Variants in FOXP2 observed in about 807,000 individuals in gnomAD.
The protein encoded by FOXP2 is forkhead box P2.
FOXP2 carries 12 observed loss-of-function variants against 115.8 expected under a neutral mutation model. The observed-to-expected ratio is 0.10, with a 90% CI of 0.07 to 0.17. FOXP2 has a LOEUF of 0.17. Ranked by LOEUF, FOXP2 falls within the 10% of genes least tolerant of loss-of-function variation. FOXP2 has a pLI of 1.00. For synonymous variants in FOXP2, 328 were observed against 297.7 expected, an observed-to-expected ratio of 1.10 and a Z score of -1.05; for missense variants, 629 against 843.5, an observed-to-expected ratio of 0.75 and a Z score of 3.15.
chr7:114,239,285 T>G (rs988448884), intron 1 of FOXP2, among the ~76,000 whole-genome samples: 1 of 152,172 alleles, frequency 6.6e-6, no homozygotes, highest in Non-Finnish European at 1.5e-5. Context: ...ATTCAAGTAG[T>G]AAATGTAATA....
chr7:114,147,977 A>G (rs1792421398), intron 1 of FOXP2, among the ~76,000 whole-genome samples: 1 of 152,108 alleles, frequency 6.6e-6, no homozygotes, highest in South Asian at 2.1e-4. Flanking sequence ...TTCTCCTAGG[A>G]TGGAAATAAG....
At chr7:114,449,522 AC>A (rs1312585215) in intron 2 of FOXP2, among the ~76,000 whole-genome samples, 1 of 152,074 alleles carries the variant, frequency 6.6e-6, no homozygotes, top group Non-Finnish European at 1.5e-5. Flanking sequence ...TCCTAAAAGT[AC>A]TAGAAACTGT....
chr7:114,625,891 C>T, intron 3 of FOXP2, among the ~76,000 whole-genome samples: 1 of 151,478 alleles, frequency 6.6e-6, no homozygotes, highest in East Asian at 1.9e-4. Context: ...CTGTGTTTTT[C>T]TACCTATATA....
chr7:114,240,643 T>C (rs993290204), intron 1 of FOXP2, among the ~76,000 whole-genome samples: 4 of 152,040 alleles, frequency 2.6e-5, no homozygotes, highest in Non-Finnish European at 5.9e-5. Context: ...TACTTAATGG[T>C]AGCTCTAACA....
chr7:114,373,436 G>A (rs1792064168), intron 2 of FOXP2, among the ~76,000 whole-genome samples: 1 of 152,100 alleles, frequency 6.6e-6, no homozygotes, highest in Non-Finnish European at 1.5e-5. Context: ...AATGCTGACT[G>A]TGACAAAGTG....
chr7:114,297,195 C>T, intron 2 of FOXP2: 2 of 488,870 alleles, frequency 4.1e-6, no homozygotes, highest in Admixed American at 2.5e-5. Flanking sequence ...TGGATGTGTC[C>T]CCACCCTTTT....
In FOXP2 at chr7:114,240,162, T is replaced by C. The variant is rs528715969; in HGVS notation, c.-101-47857T>C. 1.3e-4 allele frequency among the ~76,000 whole-genome samples: 20 copies of C among 152,306 alleles called. No homozygotes were observed. The South Asian group carries it at 4.1e-3, about 32-fold the overall frequency. ...AGATGTTATTGTCTTCCTTGCTTTG[T>C]AGAAGCAAAGGAAAGAAACAATGGC... On this transcript the variant is annotated intron_variant, in intron 1 of 17. Transcript: ENST00000634411.
chr7:114,355,302 A>G (rs184847048), intron 2 of FOXP2, among the ~76,000 whole-genome samples: 1,680 of 152,242 alleles, frequency 0.011, 25 homozygotes, highest in Middle Eastern at 0.044. Flanking sequence ...GAATGAGATC[A>G]AACTTGGCTC....
chr7:114,480,418 G>T (rs7802637), intron 2 of FOXP2, among the ~76,000 whole-genome samples: 406 of 151,438 alleles, frequency 2.7e-3, no homozygotes, highest in Admixed American at 4.7e-3. Flanking sequence ...TTTTAAGTTG[G>T]TGTCCACTTT....
chr7:114,557,464 AG>A (rs1800520313), intron 3 of FOXP2, among the ~76,000 whole-genome samples: 1 of 152,092 alleles, frequency 6.6e-6, no homozygotes, highest in Non-Finnish European at 1.5e-5. Context: ...TAGGAAAGAA[AG>A]GGGCAATATT....
intron 8 of FOXP2, among the ~76,000 whole-genome samples, chr7:114,648,442 C>T (rs950335308): frequency 2.0e-5 from 3 of 152,070 alleles, no homozygotes; most frequent in African/African-American, 7.2e-5. Context: ...CTTTGACATA[C>T]TTGGATTTAA....
At chr7:114,099,723 G>A (rs1211914718) in intron 1 of FOXP2, among the ~76,000 whole-genome samples, 3 of 152,166 alleles carry the variant, frequency 2.0e-5, no homozygotes, top group African/African-American at 7.2e-5. Flanking sequence ...AGAATCCAAG[G>A]ATGCTCAAGT....
At chr7:114,532,269 A>G (rs1799176483) in intron 2 of FOXP2, among the ~76,000 whole-genome samples, 1 of 151,920 alleles carries the variant, frequency 6.6e-6, no homozygotes, top group Non-Finnish European at 1.5e-5. Context: ...TTAAAACAGT[A>G]TATATTGTGT....
intron 2 of FOXP2, among the ~76,000 whole-genome samples, chr7:114,513,525 CT>C (rs1798178041): frequency 6.6e-6 from 1 of 152,084 alleles, no homozygotes; most frequent in African/African-American, 2.4e-5. Context: ...AAGATTCTGT[CT>C]TTATAACATA....
chr7:114,129,151 G>A (rs1178387138), intron 1 of FOXP2, among the ~76,000 whole-genome samples: 2 of 152,132 alleles, frequency 1.3e-5, no homozygotes, highest in East Asian at 3.9e-4. Context: ...AGAGCAAGAC[G>A]ATACCTTAGG....
chr7:114,297,867 A>C (rs528286016), intron 2 of FOXP2, among the ~76,000 whole-genome samples: 1 of 152,316 alleles, frequency 6.6e-6, no homozygotes, highest in African/African-American at 2.4e-5. Flanking sequence ...GGCTGAAAGT[A>C]TAATTAGTTA....
intron 2 of FOXP2, among the ~76,000 whole-genome samples, chr7:114,494,180 T>C (rs567644688): frequency 1.5e-4 from 23 of 152,292 alleles, no homozygotes; most frequent in South Asian, 1.2e-3. Flanking sequence ...CCCAAAGTGA[T>C]AAAAAGTAGA....
intron 1 of FOXP2, among the ~76,000 whole-genome samples, chr7:114,105,539 G>GA (rs763803291): frequency 2.0e-5 from 3 of 151,938 alleles, no homozygotes; most frequent in Non-Finnish European, 4.4e-5. Context: ...CTAGTTCATG[G>GA]ACCTCCCAAC....
chr7:114,459,294 A>G lies in FOXP2; in HGVS notation c.168+32615A>G, dbSNP rs576512435. Among the ~76,000 whole-genome samples, 7 of 152,280 alleles carry G rather than the reference A, an allele frequency of 4.6e-5. No homozygotes were observed. In the East Asian group the frequency reaches 1.4e-3, roughly 30 times the overall value. On this transcript the variant is annotated intron_variant, in intron 2 of 16. Coordinates refer to ENST00000350908, the MANE Select transcript of FOXP2 (RefSeq NM_014491.4). ...GAGCAGTGTGGGAAGAGCCGTAGGA[A>G]CTACTGGGAGCCATATTTAGTGATG...
Sources: gnomAD v4.1 joint callset for allele counts (sites outside exome capture counted in the v4.1 genomes callset) on GRCh38, gnomAD v4.1.1 for gene constraint, MANE v1.5 for transcripts, NCBI Gene and HGNC (gene_info 2026-07-23, HGNC 2026-07-21) for gene names.